The following IL1R2 variants were observed in gnomAD, a reference collection of about 807,000 sequenced individuals.
The protein encoded by IL1R2 is interleukin 1 receptor type 2, also known as interleukin-1 receptor type 2.
A neutral mutation model predicts 39.5 loss-of-function variants in IL1R2; 46 were observed. The observed-to-expected ratio is 1.16, with a 90% CI of 0.92 to 1.49. IL1R2 has a LOEUF of 1.49. Among genes scored for constraint, IL1R2 ranks in the 40% most tolerant of loss-of-function variants. IL1R2 has a pLI of 0.00. For missense variants in IL1R2, 537 were observed against 502.0 expected, an observed-to-expected ratio of 1.07 and a Z score of -0.67; for synonymous variants, 207 against 189.6, an observed-to-expected ratio of 1.09 and a Z score of -0.75.
intron 8 of IL1R2, 43 bp from the exon 9 acceptor site, chr2:102,028,183 G>T (rs374453230): frequency 6.5e-7 from 1 of 1,538,992 alleles, no homozygotes; most frequent in African/African-American, 1.4e-5. Context: ...CTTGTACAGT[G>T]AGAGACTGTT....
At chr2:102,005,927 CTGT>C (rs1676233597) in intron 1 of IL1R2, among the ~76,000 whole-genome samples, 1 of 152,224 alleles carries the variant, frequency 6.6e-6, no homozygotes, top group Admixed American at 6.5e-5. Context: ...TGCTTACTAG[CTGT>C]AAGATCTCGG....
chr2:102,011,489 A>G (rs1676632962), intron 3 of IL1R2, among the ~76,000 whole-genome samples: 1 of 152,186 alleles, frequency 6.6e-6, no homozygotes, highest in South Asian at 2.1e-4. Context: ...ATGATTAGCG[A>G]TGCTGAGCAT....
At chr2:101,992,054 A>G (rs1391131800) in intron 1 of IL1R2, 43 bp downstream of exon 1, 1 of 150,060 alleles carries the variant, frequency 6.7e-6, no homozygotes, top group Non-Finnish European at 1.5e-5. Flanking sequence ...TTGGAGAGAG[A>G]GAGAGAAAGA....
At chr2:101,997,794 T>C (rs762813163) in intron 1 of IL1R2, among the ~76,000 whole-genome samples, 1 of 152,218 alleles carries the variant, frequency 6.6e-6, no homozygotes, top group Non-Finnish European at 1.5e-5. Flanking sequence ...AGAGCAAAAA[T>C]TCTTCTGCAT....
chr2:101,999,018 G>A (rs1675719477), intron 1 of IL1R2: 1 of 152,314 alleles, frequency 6.6e-6, no homozygotes. Flanking sequence ...TACTGTTGTG[G>A]TCACCTCTGG....
intron 4 of IL1R2, among the ~76,000 whole-genome samples, chr2:102,018,829 A>G (rs1240569420): frequency 6.6e-6 from 1 of 152,216 alleles, no homozygotes; most frequent in African/African-American, 2.4e-5. Flanking sequence ...TTGACTACTC[A>G]TGCTTAGAAC....
chr2:102,000,163 G>T (rs892618884), intron 1 of IL1R2, among the ~76,000 whole-genome samples: 3 of 152,198 alleles, frequency 2.0e-5, no homozygotes, highest in South Asian at 2.1e-4. Context: ...CCTGAGTACC[G>T]GGCTCTGCTT....
intron 1 of IL1R2, among the ~76,000 whole-genome samples, chr2:102,000,238 A>G (rs1675783862): frequency 6.6e-6 from 1 of 152,228 alleles, no homozygotes; most frequent in Admixed American, 6.5e-5. Flanking sequence ...TGCTGAGCTC[A>G]TTACATATGG....
chr2:102,006,530 G>A (rs1205801980), intron 1 of IL1R2, among the ~76,000 whole-genome samples: 5 of 152,198 alleles, frequency 3.3e-5, no homozygotes, highest in Admixed American at 2.0e-4. Context: ...CCGCAATGCC[G>A]CCCTGGATTT....
intron 1 of IL1R2, among the ~76,000 whole-genome samples, chr2:102,006,627 T>C (rs892783426): frequency 6.6e-6 from 1 of 152,232 alleles, no homozygotes; most frequent in Non-Finnish European, 1.5e-5. Context: ...CCTGGATTCA[T>C]TCACAACTCC....
intron 1 of IL1R2, chr2:101,999,021 A>C (rs1675719718): frequency 6.6e-6 from 1 of 152,284 alleles, no homozygotes; most frequent in African/African-American, 2.4e-5. Flanking sequence ...TGTTGTGGTC[A>C]CCTCTGGAAA....
At chr2:102,010,068 A>G in intron 3 of IL1R2, 3 of 534,692 alleles carry the variant, frequency 5.6e-6, no homozygotes, top group Admixed American at 6.6e-5. Context: ...TTTAGCTGAC[A>G]CCGCCCTCTG....
At chr2:102,011,848 C>T (rs1676657445) in intron 3 of IL1R2, among the ~76,000 whole-genome samples, 1 of 152,078 alleles carries the variant, frequency 6.6e-6, no homozygotes, top group South Asian at 2.1e-4. Flanking sequence ...AAGGTTTTCC[C>T]CTTTGTTTTC....
intron 5 of IL1R2, among the ~76,000 whole-genome samples, 168 bp downstream of exon 5, chr2:102,019,980 C>A (rs1677265445): frequency 2.0e-5 from 3 of 152,176 alleles, no homozygotes; most frequent in Non-Finnish European, 4.4e-5. Context: ...GTGTGTGATA[C>A]TTTGAAAGGT....
chr2:102,027,802 C>T (rs146412492), intron 8 of IL1R2, among the ~76,000 whole-genome samples: 146 of 152,260 alleles, frequency 9.6e-4, no homozygotes, highest in African/African-American at 3.0e-3. Flanking sequence ...GCCCCTGCAG[C>T]TCCATTATTC....
At chr2:102,013,686 C>T (rs1264707984) in intron 3 of IL1R2, among the ~76,000 whole-genome samples, 1 of 151,194 alleles carries the variant, frequency 6.6e-6, no homozygotes, top group Non-Finnish European at 1.5e-5. Flanking sequence ...GGGCTTATTT[C>T]TTACACATGC....
chr2:102,008,785 C>T, intron 2 of IL1R2, 143 bp downstream of exon 2: 2 of 692,458 alleles, frequency 2.9e-6, no homozygotes, highest in Non-Finnish European at 5.1e-6. Flanking sequence ...TACTTGAGAG[C>T]CCTAGGCGGG....
rs1287327694 is a variant in IL1R2, at chr2:102,015,976, CTCTGGGGTA to C, written c.440_448del (p.Ser147_Val149del). The stretch of plus-strand genomic sequence containing the variant: ...ACCCGCAAATTTTAACCTTGTCAAC[CTCTGGGGTA>C]TTAGTATGCCCTGACCTGAGTGAAT... On this transcript the variant is annotated inframe_deletion, in exon 4 of 9. Transcript: ENST00000332549. 2 of 1,613,730 alleles carry C rather than the reference CTCTGGGGTA, an allele frequency of 1.2e-6. No individual in the cohort carries two copies. Among genetic ancestry groups the C allele is most frequent in the African/African-American group, 2.7e-5 (2 of 74,904 alleles).
At chr2:102,024,260 G>A (rs1027497327) in intron 6 of IL1R2, among the ~76,000 whole-genome samples, 13 of 152,166 alleles carry the variant, frequency 8.5e-5, no homozygotes, top group Non-Finnish European at 7.3e-5. Context: ...AGCATGTCCC[G>A]TGGGAGCGCA....
Sources: gnomAD v4.1 joint callset for allele counts (sites outside exome capture counted in the v4.1 genomes callset) on GRCh38, gnomAD v4.1.1 for gene constraint, MANE v1.5 for transcripts, NCBI Gene and HGNC (gene_info 2026-07-23, HGNC 2026-07-21) for gene names.